Variants in P2RY14 observed in about 807,000 individuals in gnomAD.
The protein encoded by P2RY14 is purinergic receptor P2Y14.
Under a neutral mutation model 0.9 loss-of-function variants are expected in P2RY14, and 2 were observed. The observed-to-expected ratio is 2.16, with a 90% CI of 0.88 to 6.79. The LOEUF (loss-of-function observed/expected upper bound fraction) is 6.79. P2RY14 is among the 30% of genes most tolerant of loss of function. The pLI is 0.05. For missense variants in P2RY14, 378 were observed against 400.1 expected, an observed-to-expected ratio of 0.94 and a Z score of 0.47; for synonymous variants, 158 against 147.2, an observed-to-expected ratio of 1.07 and a Z score of -0.53.
chr3:151,263,191 C>T, intron 1 of P2RY14, among the ~76,000 whole-genome samples: 1 of 152,028 alleles, frequency 6.6e-6, no homozygotes, highest in East Asian at 1.9e-4. Flanking sequence ...TTAGGATGGC[C>T]CAGCACCCTT....
intron 1 of P2RY14, among the ~76,000 whole-genome samples, chr3:151,232,666 C>T (rs1279467943): frequency 2.6e-5 from 4 of 152,146 alleles, no homozygotes; most frequent in African/African-American, 9.7e-5. Context: ...AACCATTATC[C>T]TTAGTAAACT....
At chr3:151,235,717 A>C (rs1406789539) in intron 1 of P2RY14, among the ~76,000 whole-genome samples, 1 of 151,790 alleles carries the variant, frequency 6.6e-6, no homozygotes, top group Non-Finnish European at 1.5e-5. Context: ...ATAAATAAAT[A>C]AATAAGTAAA....
At chr3:151,273,536 C>T (rs553741816) in intron 1 of P2RY14, among the ~76,000 whole-genome samples, 3 of 151,864 alleles carry the variant, frequency 2.0e-5, no homozygotes, top group East Asian at 1.9e-4. Flanking sequence ...CCACTGCGCC[C>T]GGCCTGATTG....
intron 1 of P2RY14, among the ~76,000 whole-genome samples, chr3:151,278,046 C>T (rs1185675713): frequency 1.3e-5 from 2 of 152,126 alleles, no homozygotes; most frequent in African/African-American, 2.4e-5. Flanking sequence ...TTGACAGCCA[C>T]GATTGGAAAT....
At chr3:151,233,538 A>G (rs748424728) in intron 1 of P2RY14, among the ~76,000 whole-genome samples, 4 of 152,202 alleles carry the variant, frequency 2.6e-5, no homozygotes, top group African/African-American at 4.8e-5. Flanking sequence ...GTTTGAGACC[A>G]GCCTGACCAA....
At chr3:151,222,002 C>A (rs1162422048) in intron 1 of P2RY14, among the ~76,000 whole-genome samples, 10 of 152,232 alleles carry the variant, frequency 6.6e-5, no homozygotes, top group African/African-American at 2.4e-4. Flanking sequence ...ACCATGGGAA[C>A]CCACCTCTTG....
At chr3:151,275,830 TA>T (rs1741757429) in intron 1 of P2RY14, among the ~76,000 whole-genome samples, 1 of 152,166 alleles carries the variant, frequency 6.6e-6, no homozygotes, top group African/African-American at 2.4e-5. Flanking sequence ...TAAGATAGGA[TA>T]TTTTTACTGA....
chr3:151,239,834 A>G (rs1197625381), intron 1 of P2RY14, among the ~76,000 whole-genome samples: 1 of 152,172 alleles, frequency 6.6e-6, no homozygotes, highest in Non-Finnish European at 1.5e-5. Context: ...ATTATACTGG[A>G]CTGTCTATAA....
chr3:151,238,619 T>C (rs1209671945), intron 1 of P2RY14, among the ~76,000 whole-genome samples: 1 of 152,240 alleles, frequency 6.6e-6, no homozygotes, highest in Non-Finnish European at 1.5e-5. Flanking sequence ...AATGTTCAGG[T>C]GTCTTAGCAC....
intron 1 of P2RY14, among the ~76,000 whole-genome samples, chr3:151,232,061 C>T (rs1031538678): frequency 1.2e-4 from 19 of 152,232 alleles, no homozygotes; most frequent in Admixed American, 6.5e-4. Context: ...TGACAGGTAA[C>T]GAATGCCTAA....
chr3:151,212,647 A>G lies in P2RY14; in HGVS notation c.*653T>C, dbSNP rs1294958372. The G allele has an allele frequency of 2.6e-5, 4 of 152,034 alleles. No homozygotes were observed. 9.4% of individuals were successfully genotyped at this position (152,034 alleles called of 1,614,324 possible). A position where few individuals can be genotyped will look rare whatever the true frequency, so the allele number is the denominator to read the frequency against. The stretch of plus-strand genomic sequence containing the variant: ...AGTCTTTGTAGAAAACATATTTAGC[A>G]TGTATCTAATATCCTCAAAGTGCTA... On this transcript the variant is annotated 3_prime_UTR_variant, in exon 3 of 3. Transcript: ENST00000309170.
chr3:151,276,332 CCAAA>C (rs1282115842), intron 1 of P2RY14, among the ~76,000 whole-genome samples: 1 of 152,208 alleles, frequency 6.6e-6, no homozygotes, highest in African/African-American at 2.4e-5. Flanking sequence ...ACTGCTCTAT[CCAAA>C]CAAACTTGGC....
intron 1 of P2RY14, among the ~76,000 whole-genome samples, chr3:151,255,976 C>G (rs1470489993): frequency 6.6e-6 from 1 of 152,136 alleles, no homozygotes; most frequent in East Asian, 1.9e-4. Context: ...ATGCCTAGCT[C>G]TAAGGTCAGT....
chr3:151,246,532 A>G (rs540042904), intron 1 of P2RY14, among the ~76,000 whole-genome samples: 1 of 152,314 alleles, frequency 6.6e-6, no homozygotes, highest in South Asian at 2.1e-4. Context: ...AGGATTCCCT[A>G]TTTAATAAAT....
At chr3:151,220,155 A>G (rs1431799046) in intron 1 of P2RY14, among the ~76,000 whole-genome samples, 1 of 149,188 alleles carries the variant, frequency 6.7e-6, no homozygotes, top group Non-Finnish European at 1.5e-5. Context: ...AAGTTGCGGT[A>G]ATCAAAAATG....
At chr3:151,253,728 A>G (rs1180321612) in intron 1 of P2RY14, among the ~76,000 whole-genome samples, 2 of 152,036 alleles carry the variant, frequency 1.3e-5, no homozygotes, top group African/African-American at 2.4e-5. Context: ...TGTCTGGGGA[A>G]TGGGGTGGGG....
At position 151,242,594 on chromosome 3, in the gene P2RY14, A is replaced by G. The variant is rs1208939657; in HGVS notation, c.-132-22952T>C. Among the ~76,000 whole-genome samples, 8 of 152,194 alleles carry G rather than the reference A, an allele frequency of 5.3e-5. No individual in the cohort carries two copies. The East Asian group carries it at 1.3e-3, about 26-fold the overall frequency. ...AGGAAAACTAACAAACAGAAAACACATCCACACCAAAAACCCATCTGTACA... is the reference window on the plus strand; with the variant it reads ...AGGAAAACTAACAAACAGAAAACACGTCCACACCAAAAACCCATCTGTACA... On this transcript the variant is annotated intron_variant, in intron 1 of 2. Transcript: ENST00000309170.
intron 1 of P2RY14, among the ~76,000 whole-genome samples, chr3:151,245,206 A>C (rs528422743): frequency 6.6e-6 from 1 of 152,340 alleles, no homozygotes; most frequent in South Asian, 2.1e-4. Context: ...AGGAACTGGT[A>C]CCATTCCTTC....
At chr3:151,272,489 C>T (rs1207351693) in intron 1 of P2RY14, among the ~76,000 whole-genome samples, 1 of 152,176 alleles carries the variant, frequency 6.6e-6, no homozygotes, top group African/African-American at 2.4e-5. Context: ...GTGGTATTTC[C>T]TCCTCCCAAA....
Sources: gnomAD v4.1 joint callset for allele counts (sites outside exome capture counted in the v4.1 genomes callset) on GRCh38, gnomAD v4.1.1 for gene constraint, MANE v1.5 for transcripts, NCBI Gene and HGNC (gene_info 2026-07-23, HGNC 2026-07-21) for gene names.